HS2ST1: variants seen among roughly 807,000 people sequenced by gnomAD.
HS2ST1 encodes the protein 2-O-sulfotransferase.
HS2ST1 carries 18 observed loss-of-function variants against 42.9 expected under a neutral mutation model. The observed-to-expected ratio is 0.42, with a 90% confidence interval of 0.29 to 0.62. The LOEUF (loss-of-function observed/expected upper bound fraction) is 0.62. Among genes scored for constraint, HS2ST1 ranks in the 20% least tolerant of loss-of-function variants. HS2ST1 has a pLI of 0.21. For missense variants in HS2ST1, 334 were observed against 433.8 expected, an observed-to-expected ratio of 0.77 and a Z score of 2.04; for synonymous variants, 146 against 152.9, an observed-to-expected ratio of 0.95 and a Z score of 0.33.
intron 1 of HS2ST1, among the ~76,000 whole-genome samples, chr1:86,970,984 T>C (rs1223038163): frequency 6.6e-6 from 1 of 152,214 alleles, no homozygotes; most frequent in Non-Finnish European, 1.5e-5. Flanking sequence ...TGTCTTCTAC[T>C]GATGCCAGAT....
intron 1 of HS2ST1, among the ~76,000 whole-genome samples, chr1:87,070,510 A>C (rs1011161919): frequency 6.6e-6 from 1 of 152,024 alleles, no homozygotes; most frequent in Admixed American, 6.6e-5. Flanking sequence ...AGGATAACCT[A>C]AGCCTGGGGA....
At chr1:86,993,036 G>A in intron 1 of HS2ST1, 3 of 1,569,486 alleles carry the variant, frequency 1.9e-6, no homozygotes, top group Non-Finnish European at 8.7e-7. Flanking sequence ...TCACAGAAGA[G>A]TCTTATGACT....
chr1:87,024,202 T>A (rs1411228176), intron 1 of HS2ST1, among the ~76,000 whole-genome samples: 1 of 152,102 alleles, frequency 6.6e-6, no homozygotes, highest in Non-Finnish European at 1.5e-5. Flanking sequence ...TAGTCATTTT[T>A]AAGAATCAGG....
chr1:86,973,915 A>C (rs1570457215), intron 1 of HS2ST1, among the ~76,000 whole-genome samples: 1 of 152,170 alleles, frequency 6.6e-6, no homozygotes, highest in East Asian at 1.9e-4. Context: ...TTGCAGAGCA[A>C]TTTAAGAGTT....
chr1:87,101,129 A>ACTTTTGTGT (rs1015411928), intron 5 of HS2ST1, among the ~76,000 whole-genome samples: 2 of 125,058 alleles, frequency 1.6e-5, no homozygotes, highest in Admixed American at 1.9e-4. Flanking sequence ...CTAAGTCATC[A>ACTTTTGTGT]CTTTTGTGTG....
At chr1:86,922,924 A>G (rs968740815) in intron 1 of HS2ST1, among the ~76,000 whole-genome samples, 2 of 151,990 alleles carry the variant, frequency 1.3e-5, no homozygotes, top group African/African-American at 4.8e-5. Context: ...TAGTTTTTCT[A>G]TGCTGCTTCT....
At chr1:87,007,290 T>A (rs1045511540) in intron 1 of HS2ST1, among the ~76,000 whole-genome samples, 2 of 152,106 alleles carry the variant, frequency 1.3e-5, no homozygotes, top group Non-Finnish European at 1.5e-5. Context: ...TCCTAAGAGA[T>A]CCATGTATAT....
chr1:86,981,879 T>C (rs955764535), intron 1 of HS2ST1, among the ~76,000 whole-genome samples: 4 of 152,264 alleles, frequency 2.6e-5, no homozygotes, highest in African/African-American at 9.6e-5. Context: ...GGGGACTCTC[T>C]GTTGGGGCTC....
At chr1:87,094,869 A>G (rs1473882120) in intron 4 of HS2ST1, among the ~76,000 whole-genome samples, 1 of 152,096 alleles carries the variant, frequency 6.6e-6, no homozygotes, top group Non-Finnish European at 1.5e-5. Context: ...ATCTAGATGT[A>G]GTGTTGATAA....
At chr1:86,946,473 A>G (rs1570438426) in intron 1 of HS2ST1, among the ~76,000 whole-genome samples, 1 of 152,204 alleles carries the variant, frequency 6.6e-6, no homozygotes, top group African/African-American at 2.4e-5. Context: ...TCACCACCAT[A>G]ACAGTACATG....
chr1:86,954,749 G>A (rs987266518), intron 1 of HS2ST1, among the ~76,000 whole-genome samples: 3 of 152,098 alleles, frequency 2.0e-5, no homozygotes, highest in African/African-American at 7.2e-5. Flanking sequence ...AATAGGATCA[G>A]TATAAAATAT....
chr1:86,971,259 A>G (rs990023417), intron 1 of HS2ST1, among the ~76,000 whole-genome samples: 1 of 152,188 alleles, frequency 6.6e-6, no homozygotes, highest in Non-Finnish European at 1.5e-5. Context: ...TAAGGCCTAT[A>G]GAACTCCTCT....
intron 5 of HS2ST1, among the ~76,000 whole-genome samples, chr1:87,101,030 T>G (rs7536241): frequency 0.7 from 105,702 of 151,958 alleles, 39,025 homozygotes; most frequent in East Asian, 0.97. Context: ...AGTCATTCCT[T>G]TGCTCTTGCA....
At chr1:86,965,217 A>G (rs1258861813) in intron 1 of HS2ST1, among the ~76,000 whole-genome samples, 1 of 152,134 alleles carries the variant, frequency 6.6e-6, no homozygotes, top group Non-Finnish European at 1.5e-5. Flanking sequence ...TTTTCTGACC[A>G]TCTACTGGCT....
At chr1:86,978,717 T>C (rs1648494552) in intron 1 of HS2ST1, among the ~76,000 whole-genome samples, 1 of 152,040 alleles carries the variant, frequency 6.6e-6, no homozygotes, top group African/African-American at 2.4e-5. Flanking sequence ...ATAATAGAAA[T>C]GGAATTTTAA....
chr1:86,994,659 G>T (rs1288769208), intron 1 of HS2ST1, among the ~76,000 whole-genome samples: 1 of 152,060 alleles, frequency 6.6e-6, no homozygotes, highest in Non-Finnish European at 1.5e-5. Flanking sequence ...GAGAGGCTTT[G>T]TAGTGGGGTC....
intron 3 of HS2ST1, among the ~76,000 whole-genome samples, chr1:87,084,690 CT>C (rs1196877906): frequency 6.6e-6 from 1 of 152,106 alleles, no homozygotes; most frequent in Admixed American, 6.6e-5. Flanking sequence ...GAAGTGTACA[CT>C]TTCCCTTGGG....
chr1:87,100,716 T>G (rs1376805917), intron 5 of HS2ST1, among the ~76,000 whole-genome samples: 1 of 152,164 alleles, frequency 6.6e-6, no homozygotes, highest in Non-Finnish European at 1.5e-5. Flanking sequence ...GGAGGATCAC[T>G]TGAGCCCAGA....
chr1:86,914,838 G>T lies in HS2ST1; in HGVS notation c.-199G>T. ...CCGTTTAGTCGGCTGAGGAGAAGCG[G>T]ACACCAGCGGCGTTGGTGATAGCGC... On this transcript the variant is annotated 5_prime_UTR_variant, in exon 1 of 7. Transcript: ENST00000370550. 1 of 614,182 alleles carries T rather than the reference G, an allele frequency of 1.6e-6. No homozygotes were observed. The highest frequency in any genetic ancestry group is 2.0e-5 in the South Asian group (1 of 51,230). 38.0% of individuals were successfully genotyped at this position (614,182 alleles called of 1,614,324 possible). A position where few individuals can be genotyped will look rare whatever the true frequency, so the allele number is the denominator to read the frequency against.
Sources: allele counts gnomAD v4.1 joint callset (sites outside exome capture counted in the v4.1 genomes callset), GRCh38; gene constraint gnomAD v4.1.1; transcripts MANE v1.5; gene names NCBI Gene and HGNC (gene_info 2026-07-23, HGNC 2026-07-21).